IL36B: variants seen among roughly 807,000 people sequenced by gnomAD.
IL36B encodes the protein interleukin 36 beta.
A neutral mutation model predicts 19.3 loss-of-function variants in IL36B; 23 were observed. The ratio of observed to expected loss-of-function variants is 1.19; its 90% CI spans 0.86 to 1.69. The LOEUF is 1.69. Among genes scored for constraint, IL36B ranks in the 40% most tolerant of loss-of-function variants. The probability of loss-of-function intolerance (pLI) is 0.00; values close to 1 mark genes in which losing one functional copy is unlikely to be tolerated. For missense variants in IL36B, 217 were observed against 200.5 expected, an observed-to-expected ratio of 1.08 and a Z score of -0.50; for synonymous variants, 59 against 59.7, an observed-to-expected ratio of 0.99 and a Z score of 0.05.
intron 2 of IL36B, 123 bp from the exon 3 acceptor site, chr2:113,031,278 G>T (rs1369281284): frequency 4.3e-6 from 3 of 695,878 alleles, no homozygotes; most frequent in Non-Finnish European, 5.2e-6. Context: ...AGAAGTAGTG[G>T]CTATAACGAT....
intron 3 of IL36B, among the ~76,000 whole-genome samples, chr2:113,030,721 A>C (rs978754889): frequency 6.6e-6 from 1 of 152,336 alleles, no homozygotes; most frequent in East Asian, 1.9e-4. Context: ...TTTGAATCTG[A>C]GGACACAGGT....
chr2:113,035,351 A>G (rs1412883981), intron 1 of IL36B, among the ~76,000 whole-genome samples: 2 of 152,222 alleles, frequency 1.3e-5, no homozygotes, highest in African/African-American at 4.8e-5. Context: ...AGACTGTACC[A>G]GAAACTGTGG....
chr2:113,042,359 C>CATGTTT (rs34868654), intron 1 of IL36B, among the ~76,000 whole-genome samples: 8 of 151,410 alleles, frequency 5.3e-5, no homozygotes, highest in Non-Finnish European at 8.9e-5. Context: ...ATAAACGGCG[C>CATGTTT]AAAATATACA....
At chr2:113,027,562 T>C in intron 4 of IL36B, 20 of 1,095,754 alleles carry the variant, frequency 1.8e-5, no homozygotes, top group Non-Finnish European at 2.2e-5. Context: ...TCCACATCTC[T>C]ACATCATGGG....
intron 1 of IL36B, among the ~76,000 whole-genome samples, chr2:113,043,371 G>T (rs375329404): frequency 1.3e-5 from 2 of 152,144 alleles, no homozygotes; most frequent in East Asian, 1.9e-4. Flanking sequence ...GAATGAAAAA[G>T]GTTTCTTCTA....
At chr2:113,034,646 G>A (rs927961815) in intron 1 of IL36B, among the ~76,000 whole-genome samples, 4 of 152,222 alleles carry the variant, frequency 2.6e-5, no homozygotes, top group Admixed American at 6.5e-5. Flanking sequence ...ATAAATGTAT[G>A]TAGTATCTCA....
At chr2:113,031,907 G>A (rs1418968309) in intron 1 of IL36B, 141 bp from the exon 2 acceptor site, 10 of 570,024 alleles carry the variant, frequency 1.8e-5, no homozygotes, top group Admixed American at 3.1e-5. Context: ...TTGAGAATAA[G>A]GATGGGTACA....
intron 1 of IL36B, among the ~76,000 whole-genome samples, chr2:113,045,066 A>G (rs1211072322): frequency 1.3e-5 from 2 of 152,126 alleles, no homozygotes; most frequent in Admixed American, 1.3e-4. Flanking sequence ...TTATCTTTTA[A>G]AGGGATTTAA....
At chr2:113,026,749 T>A (rs1440446881) in intron 4 of IL36B, among the ~76,000 whole-genome samples, 2 of 152,150 alleles carry the variant, frequency 1.3e-5, no homozygotes, top group Admixed American at 1.3e-4. Flanking sequence ...CAAGGAAGTA[T>A]CATAGCTGAT....
intron 5 of IL36B, among the ~76,000 whole-genome samples, chr2:113,024,653 C>T (rs1260087240): frequency 6.6e-6 from 1 of 152,200 alleles, no homozygotes; most frequent in Admixed American, 6.5e-5. Context: ...TCACAATGTC[C>T]TCACTCCTCT....
intron 1 of IL36B, among the ~76,000 whole-genome samples, chr2:113,051,080 G>T (rs1685436150): frequency 6.6e-6 from 1 of 152,192 alleles, no homozygotes; most frequent in South Asian, 2.1e-4. Context: ...TCTCATCGTG[G>T]CCTCCCGACC....
chr2:113,052,589 G>C (rs1265361654), intron 1 of IL36B, among the ~76,000 whole-genome samples: 3 of 152,212 alleles, frequency 2.0e-5, no homozygotes, highest in Admixed American at 6.5e-5. Context: ...CACTGTACCT[G>C]ACAGAGTGAA....
rs1684888636 is a variant in IL36B at position 113,022,928 on chromosome 2, C to G, written c.392-151G>C. The G allele has an allele frequency of 8.5e-6, 5 of 591,128 alleles. No individual in the cohort carries two copies. In the South Asian group the frequency reaches 1.0e-4, roughly 12 times the overall value. The allele number at this position is 591,128 out of a possible 1,614,324, so 36.6% of individuals were successfully genotyped here. ...TCCTCTCAGCCTTACTCACTTGATT[C>G]TGCTGAAGAGTGATGGATTATTACA... On this transcript the variant is annotated intron_variant, in intron 5 of 5. Coordinates refer to ENST00000259213, the MANE Select transcript of IL36B (RefSeq NM_014438.5).
intron 3 of IL36B, among the ~76,000 whole-genome samples, chr2:113,029,381 A>G (rs1187897778): frequency 6.6e-6 from 1 of 152,224 alleles, no homozygotes; most frequent in Non-Finnish European, 1.5e-5. Flanking sequence ...ATGGGCCACA[A>G]TATGAGATGG....
At chr2:113,046,473 G>C (rs1685353820) in intron 1 of IL36B, among the ~76,000 whole-genome samples, 1 of 152,130 alleles carries the variant, frequency 6.6e-6, no homozygotes, top group Non-Finnish European at 1.5e-5. Context: ...CCCCCAAAGT[G>C]TTGGGATTAC....
At chr2:113,038,863 G>A (rs1175127391) in intron 1 of IL36B, among the ~76,000 whole-genome samples, 1 of 152,196 alleles carries the variant, frequency 6.6e-6, no homozygotes, top group Non-Finnish European at 1.5e-5. Flanking sequence ...ACATCCTGGA[G>A]AGAGGCTGTC....
chr2:113,046,343 G>A (rs1304085847), intron 1 of IL36B, among the ~76,000 whole-genome samples: 1 of 151,668 alleles, frequency 6.6e-6, no homozygotes, highest in Non-Finnish European at 1.5e-5. Flanking sequence ...CTGAGTAGCT[G>A]GGACTACAGA....
intron 2 of IL36B, 149 bp from the exon 3 acceptor site, chr2:113,031,304 A>G: frequency 1.5e-6 from 1 of 654,078 alleles, no homozygotes; most frequent in East Asian, 2.7e-5. Flanking sequence ...GAGGGGAAAT[A>G]GGGCAGGGAC....
intron 1 of IL36B, among the ~76,000 whole-genome samples, chr2:113,041,156 C>CA (rs11405890): frequency 0.019 from 2,564 of 132,926 alleles, 36 homozygotes; most frequent in East Asian, 0.084. Flanking sequence ...GACTTTGCCA[C>CA]ACACAAAAAA....
Sources: allele counts gnomAD v4.1 joint callset (sites outside exome capture counted in the v4.1 genomes callset), GRCh38; gene constraint gnomAD v4.1.1; transcripts MANE v1.5; gene names NCBI Gene and HGNC (gene_info 2026-07-23, HGNC 2026-07-21).